The following TEX9 variants were observed in gnomAD, a reference collection of about 807,000 sequenced individuals.
TEX9 encodes the protein testis expressed 9.
A neutral mutation model predicts 59.6 loss-of-function variants in TEX9; 74 were observed. That is an observed-to-expected ratio of 1.24 (90% CI 1.03 to 1.51). The LOEUF is 1.51. Among genes scored for constraint, TEX9 ranks in the 40% most tolerant of loss-of-function variants. The pLI is 0.00. For missense variants in TEX9, 522 were observed against 447.8 expected (o/e 1.17, Z -1.49); for synonymous variants, 186 against 152.2 (o/e 1.22, Z -1.64).
chr15:56,311,853 G>T (rs1349010864), intron 1 of TEX9, among the ~76,000 whole-genome samples: 1 of 148,296 alleles, frequency 6.7e-6, no homozygotes, highest in African/African-American at 2.5e-5. Context: ...GTGTGAGATG[G>T]TATCTCATTG....
At chr15:56,271,225 A>T (rs917914106) in intron 1 of TEX9, among the ~76,000 whole-genome samples, 5 of 152,148 alleles carry the variant, frequency 3.3e-5, no homozygotes, top group African/African-American at 1.2e-4. Context: ...TATCCTGAAG[A>T]GTATTTTCGA....
At chr15:56,295,461 G>A (rs1328897100) in intron 1 of TEX9, among the ~76,000 whole-genome samples, 1 of 152,136 alleles carries the variant, frequency 6.6e-6, no homozygotes, top group Non-Finnish European at 1.5e-5. Context: ...TCAATTTTGG[G>A]TGTTCCATCC....
At chr15:56,388,904 TC>T (rs1250233899) in intron 5 of TEX9, among the ~76,000 whole-genome samples, 1 of 152,020 alleles carries the variant, frequency 6.6e-6, no homozygotes, top group Admixed American at 6.6e-5. Context: ...AGATCACTCT[TC>T]CAGGTGTAGA....
intron 1 of TEX9, among the ~76,000 whole-genome samples, chr15:56,283,899 G>T (rs1193400719): frequency 6.6e-6 from 1 of 152,064 alleles, no homozygotes; most frequent in African/African-American, 2.4e-5. Flanking sequence ...TCACAGAAAA[G>T]AAAATATGTC....
At chr15:56,350,220 T>C (rs1461368754) in intron 1 of TEX9, among the ~76,000 whole-genome samples, 1 of 152,228 alleles carries the variant, frequency 6.6e-6, no homozygotes, top group Non-Finnish European at 1.5e-5. Flanking sequence ...ATATTATTTC[T>C]GTATTAATAT....
At chr15:56,311,867 T>G (rs1440191864) in intron 1 of TEX9, among the ~76,000 whole-genome samples, 1 of 148,276 alleles carries the variant, frequency 6.7e-6, no homozygotes, top group Admixed American at 6.8e-5. Flanking sequence ...CTCATTGTGG[T>G]TTTGATTTGC....
intron 1 of TEX9, among the ~76,000 whole-genome samples, chr15:56,314,972 C>G (rs2045717857): frequency 6.6e-6 from 1 of 151,382 alleles, no homozygotes; most frequent in South Asian, 2.1e-4. Context: ...GGGATTGCAA[C>G]CCCTGCCTTT....
chr15:56,244,692 A>G (rs1484092031), intron 1 of TEX9, among the ~76,000 whole-genome samples: 1 of 150,838 alleles, frequency 6.6e-6, no homozygotes, highest in African/African-American at 2.4e-5. Flanking sequence ...CCTGCAGCCA[A>G]GGCCACTGCC....
intron 3 of TEX9, among the ~76,000 whole-genome samples, chr15:56,382,737 C>A (rs1307661083): frequency 1.3e-5 from 2 of 152,122 alleles, no homozygotes; most frequent in Non-Finnish European, 2.9e-5. Context: ...GAGGTGGTAT[C>A]CGAGATGCAA....
At chr15:56,442,429 A>G (rs571125234) in intron 12 of TEX9, among the ~76,000 whole-genome samples, 1 of 152,342 alleles carries the variant, frequency 6.6e-6, no homozygotes, top group South Asian at 2.1e-4. Flanking sequence ...CCATAATGAC[A>G]CATGCATGTG....
chr15:56,381,806 G>A (rs1038429385), intron 3 of TEX9, among the ~76,000 whole-genome samples: 1 of 152,212 alleles, frequency 6.6e-6, no homozygotes, highest in Non-Finnish European at 1.5e-5. Flanking sequence ...CGTCAGACCT[G>A]AAGCCAGAAC....
intron 12 of TEX9, among the ~76,000 whole-genome samples, chr15:56,435,252 C>G (rs892206728): frequency 1.6e-4 from 24 of 151,824 alleles, no homozygotes; most frequent in African/African-American, 5.5e-4. Context: ...ATCTAAGCCC[C>G]CACTTCAAGA....
chr15:56,452,037 A>G, the TEX9 span, among the ~76,000 whole-genome samples: 5 of 152,170 alleles, frequency 3.3e-5, no homozygotes, highest in Admixed American at 3.3e-4. Context: ...AACTACTAAT[A>G]TAATTGGGTT....
In TEX9 at chr15:56,327,649, A is replaced by T. The variant is rs544814818; in HGVS notation, c.-106-45792A>T. On this transcript the variant is annotated intron_variant, in intron 1 of 5. Transcript: ENST00000560827. ...GCCAACACCACTCCTCCCCCATGCC[A>T]TCACAGCAGCCTCGTGGTGCAGAAG... 3.2e-4 allele frequency among the ~76,000 whole-genome samples: 48 copies of T among 152,236 alleles called. 1 individual carries two copies. In the South Asian group the frequency reaches 9.5e-3, roughly 30 times the overall value.
At chr15:56,398,929 C>A (rs2048624816) in intron 9 of TEX9, among the ~76,000 whole-genome samples, 1 of 152,110 alleles carries the variant, frequency 6.6e-6, no homozygotes. Flanking sequence ...GTCAGGAGAT[C>A]GAGACCATCC....
exon 10 of TEX9, chr15:56,412,436 G>C (rs2049402880): frequency 1.2e-6 from 2 of 1,603,466 alleles, no homozygotes; most frequent in Non-Finnish European, 1.7e-6. Flanking sequence ...AAAATAACAA[G>C]GTATGGAAAA....
intron 7 of TEX9, among the ~76,000 whole-genome samples, chr15:56,393,217 T>C (rs2048300209): frequency 1.3e-5 from 2 of 152,162 alleles, no homozygotes; most frequent in African/African-American, 4.8e-5. Context: ...AACTTCACCC[T>C]TTTTAATTTG....
At chr15:56,325,526 C>T (rs57357634) in intron 1 of TEX9, among the ~76,000 whole-genome samples, 4,519 of 152,244 alleles carry the variant, frequency 0.03, 217 homozygotes, top group African/African-American at 0.1. Context: ...TTTTTAAAAT[C>T]TCCTTTAACT....
intron 1 of TEX9, among the ~76,000 whole-genome samples, chr15:56,296,875 G>A (rs1596071844): frequency 6.6e-6 from 1 of 151,888 alleles, no homozygotes; most frequent in Admixed American, 6.6e-5. Context: ...GTTGAAAGAA[G>A]CAAGTTAAGC....
Sources: gnomAD v4.1 joint callset for allele counts (sites outside exome capture counted in the v4.1 genomes callset) on GRCh38, gnomAD v4.1.1 for gene constraint, MANE v1.5 for transcripts, NCBI Gene and HGNC (gene_info 2026-07-23, HGNC 2026-07-21) for gene names.